Variants in SLC7A6 observed in about 807,000 individuals in gnomAD.
SLC7A6 encodes Y+L amino acid transporter 2.
In SLC7A6, 29 loss-of-function variants were observed where a neutral mutation model predicts 46.6. That is an observed-to-expected ratio of 0.62 (90% CI 0.46 to 0.85). SLC7A6 has a LOEUF of 0.85. SLC7A6 is among the 40% of genes least tolerant of loss of function. The pLI, the probability that SLC7A6 is intolerant of heterozygous loss-of-function variation, is 0.00. For missense variants in SLC7A6, 527 were observed against 647.6 expected, an observed-to-expected ratio of 0.81 and a Z score of 2.02; for synonymous variants, 276 against 257.3, an observed-to-expected ratio of 1.07 and a Z score of -0.70.
intron 3 of SLC7A6, among the ~76,000 whole-genome samples, chr16:68,281,034 G>C (rs2042821198): frequency 6.6e-6 from 1 of 152,192 alleles, no homozygotes. Context: ...CGCCCAGCCG[G>C]CTGTGGCTCC....
chr16:68,268,122 G>A (rs1028940488), intron 2 of SLC7A6, among the ~76,000 whole-genome samples: 1 of 152,288 alleles, frequency 6.6e-6, no homozygotes, highest in East Asian at 1.9e-4. Context: ...TCTGTGAGCC[G>A]CTCTAGCAAA....
At chr16:68,287,688 G>T in intron 3 of SLC7A6, 58 bp from the exon 4 acceptor site, 1 of 1,590,806 alleles carries the variant, frequency 6.3e-7, no homozygotes, top group Non-Finnish European at 8.6e-7. Flanking sequence ...GTAAAGAGGG[G>T]TTGGGCCCCT....
intron 9 of SLC7A6, 53 bp from the exon 10 acceptor site, chr16:68,296,574 A>T: frequency 1.2e-6 from 2 of 1,613,600 alleles, no homozygotes; most frequent in Non-Finnish European, 1.7e-6. Flanking sequence ...CTTCTTGCCC[A>T]CGAGCTGTTT....
chr16:68,288,967 CA>C (rs753001951), intron 4 of SLC7A6, among the ~76,000 whole-genome samples: 160 of 76,158 alleles, frequency 2.1e-3, no homozygotes, highest in Middle Eastern at 7.9e-3. Context: ...GATTCCATCT[CA>C]AAAAAAAAAA....
At chr16:68,270,107 G>A (rs1353889714) in intron 2 of SLC7A6, among the ~76,000 whole-genome samples, 1 of 152,168 alleles carries the variant, frequency 6.6e-6, no homozygotes, top group Non-Finnish European at 1.5e-5. Context: ...CTATGCCTCA[G>A]TGCACAGTCT....
chr16:68,288,310 C>T (rs999109743), intron 4 of SLC7A6, among the ~76,000 whole-genome samples: 2 of 152,162 alleles, frequency 1.3e-5, no homozygotes, highest in Non-Finnish European at 2.9e-5. Context: ...GGTTATTTTG[C>T]AGCCTTTACT....
In SLC7A6 at chr16:68,301,016, CT is replaced by C; in HGVS notation, c.*3694del. The C allele has an allele frequency of 8.8e-7, 1 of 1,130,510 alleles. No individual in the cohort carries two copies. Among genetic ancestry groups the C allele is most frequent in the Non-Finnish European group, 1.1e-6 (1 of 924,526 alleles). The allele number at this position is 1,130,510 out of a possible 1,614,324, so 70.0% of individuals were successfully genotyped here. A position where few individuals can be genotyped will look rare whatever the true frequency, so the allele number is the denominator to read the frequency against. On this transcript the variant is annotated 3_prime_UTR_variant, in exon 11 of 11. Coordinates refer to ENST00000219343, the MANE Select transcript of SLC7A6 (RefSeq NM_003983.6). ...AGAAGCTAAAGCTAAAGAAACCTTC[CT>C]TTTTTCAACGTTTTTTTTTCTTTCA...
chr16:68,289,697 G>T (rs1418322030), intron 4 of SLC7A6, among the ~76,000 whole-genome samples: 1 of 152,170 alleles, frequency 6.6e-6, no homozygotes, highest in African/African-American at 2.4e-5. Flanking sequence ...CTGGGCTTTT[G>T]TGTCTGCAGT....
intron 6 of SLC7A6, 25 bp downstream of exon 6, chr16:68,291,357 G>A: frequency 6.2e-7 from 1 of 1,612,960 alleles, no homozygotes; most frequent in Non-Finnish European, 8.5e-7. Context: ...ATCCCCATTT[G>A]TTCATCATCT....
chr16:68,277,067 C>T (rs568818951), intron 3 of SLC7A6, among the ~76,000 whole-genome samples: 1 of 151,820 alleles, frequency 6.6e-6, no homozygotes, highest in South Asian at 2.1e-4. Flanking sequence ...CTTAAGTCAT[C>T]CAAAATCTAC....
intron 3 of SLC7A6, among the ~76,000 whole-genome samples, chr16:68,278,387 G>C (rs1267838482): frequency 6.6e-6 from 1 of 151,846 alleles, no homozygotes; most frequent in African/African-American, 2.4e-5. Flanking sequence ...AATAGTGGAG[G>C]GAAGGTCAGC....
chr16:68,279,362 T>C (rs1355420838), intron 3 of SLC7A6, among the ~76,000 whole-genome samples: 2 of 152,112 alleles, frequency 1.3e-5, no homozygotes, highest in African/African-American at 2.4e-5. Flanking sequence ...TCATATTTAA[T>C]CTCTTTCATC....
chr16:68,272,587 G>C (rs370154681), intron 2 of SLC7A6, among the ~76,000 whole-genome samples: 24 of 152,322 alleles, frequency 1.6e-4, no homozygotes, highest in African/African-American at 5.1e-4. Context: ...CTAGGCATGA[G>C]GTCTTGTGGG....
chr16:68,296,482 G>A lies in SLC7A6; in HGVS notation c.1238G>A (p.Trp413Ter). 6.2e-7 allele frequency: 1 copy of A among 1,614,148 alleles called. No individual in the cohort carries two copies. Among genetic ancestry groups the A allele is most frequent in the Non-Finnish European group, 8.5e-7 (1 of 1,180,028 alleles). The change falls in exon 9 of 11, where the codon TGG becomes TAG. Residue 413 changes from tryptophan (W) to a stop codon, truncating the protein, a stop_gained. Transcript: ENST00000219343. LOFTEE classifies it high-confidence loss of function. ...GTTGTTGGACAGCTCTACCTCCGCT[G>A]GAAGGAGCCCAAGCGGCCCCGGCCT... ...LSVVGQLYLR[W>*]KEPKRPRPLK...
chr16:68,290,810 C>T (rs2151228847), intron 5 of SLC7A6: 1 of 512,560 alleles, frequency 2.0e-6, no homozygotes, highest in South Asian at 2.1e-5. Context: ...CCAGCTGGGG[C>T]AAAGGAATTA....
chr16:68,282,903 C>A (rs752637856), intron 3 of SLC7A6, among the ~76,000 whole-genome samples: 18 of 152,330 alleles, frequency 1.2e-4, no homozygotes, highest in African/African-American at 1.7e-4. Flanking sequence ...CAGGTGTGAG[C>A]CACTGCGCCC....
chr16:68,270,638 AT>A (rs908336275), intron 2 of SLC7A6, among the ~76,000 whole-genome samples: 1 of 152,138 alleles, frequency 6.6e-6, no homozygotes, highest in African/African-American at 2.4e-5. Flanking sequence ...ACTCACCTAA[AT>A]GGTGGTCTCA....
At chr16:68,290,563 A>G (rs2043028933) in intron 5 of SLC7A6, 23 bp downstream of exon 5, 1 of 1,612,208 alleles carries the variant, frequency 6.2e-7, no homozygotes. Flanking sequence ...TCACACTCTC[A>G]CTCCCCAGCT....
intron 3 of SLC7A6, among the ~76,000 whole-genome samples, chr16:68,278,322 T>C (rs564740746): frequency 1.3e-5 from 2 of 151,462 alleles, no homozygotes; most frequent in Non-Finnish European, 2.9e-5. Flanking sequence ...TTTTTTTTTT[T>C]ATTGATCATT....
Sources: gnomAD v4.1 joint callset for allele counts (sites outside exome capture counted in the v4.1 genomes callset) on GRCh38, gnomAD v4.1.1 for gene constraint, MANE v1.5 for transcripts, NCBI Gene and HGNC (gene_info 2026-07-23, HGNC 2026-07-21) for gene names.